Variants in ZNF608 observed in about 807,000 individuals in gnomAD.
ZNF608 encodes the protein zinc finger protein 608.
ZNF608 carries 12 observed loss-of-function variants against 109.0 expected under a neutral mutation model. The ratio of observed to expected loss-of-function variants is 0.11; its 90% CI spans 0.07 to 0.18. The LOEUF (loss-of-function observed/expected upper bound fraction) is 0.18. Ranked by LOEUF, ZNF608 falls within the 10% of genes least tolerant of loss-of-function variation. The pLI is 1.00. For synonymous variants in ZNF608, 732 were observed against 717.4 expected (o/e 1.02, Z -0.33); for missense variants, 1,707 against 1,879.3 (o/e 0.91, Z 1.70).
intron 3 of ZNF608, among the ~76,000 whole-genome samples, chr5:124,659,957 C>G (rs78611029): frequency 0.11 from 16,923 of 152,240 alleles, 1,255 homozygotes; most frequent in Middle Eastern, 0.17. Context: ...CTTTTCATCT[C>G]TAGCTATACC....
rs768514731 is a variant in ZNF608, at chr5:124,744,608, G to C, written c.382C>G (p.Pro128Ala). 1 of 1,614,216 alleles carries C rather than the reference G, an allele frequency of 6.2e-7. No homozygotes were observed. The highest frequency in any genetic ancestry group is 1.1e-5 in the South Asian group (1 of 91,082). Residue 128 changes from proline (P) to alanine (A), a missense_variant, in exon 2 of 10, where the codon CCC becomes GCC. Physicochemically the swap from Pro to Ala is conservative, Grantham distance 27. Transcript: ENST00000513986. The surrounding 1 kb of genome is among the most constrained non-coding windows in gnomAD (Gnocchi z 4.5). ...SLPSAALYGI[P>A]EISSTGKRQE... ...CTCTTGCCAGTGCTGCTGATCTCGG[G>C]AATCCCATACAAGGCAGCAGAAGGC... is the stretch of plus-strand genomic sequence containing the variant.
rs116602261 is a variant in ZNF608 at position 124,672,260 on chromosome 5, C to T, written c.1163-22563G>A. ...TCATTTTGTTTTTAAATAACCACAGCATGGCTGACTCCTAAATATTGTGAT... is the reference window on the plus strand; with the variant it reads ...TCATTTTGTTTTTAAATAACCACAGTATGGCTGACTCCTAAATATTGTGAT... On this transcript the variant is annotated intron_variant, in intron 3 of 9. Transcript: ENST00000513986. 2.9e-3 allele frequency among the ~76,000 whole-genome samples: 436 copies of T among 152,238 alleles called. 3 individuals carry two copies. Among genetic ancestry groups the T allele is most frequent in the African/African-American group, 8.7e-3 (362 of 41,542 alleles).
intron 2 of ZNF608, among the ~76,000 whole-genome samples, chr5:124,723,677 G>A (rs1325795580): frequency 6.6e-6 from 1 of 152,160 alleles, no homozygotes; most frequent in African/African-American, 2.4e-5. Context: ...GATGGAGTGA[G>A]ACGCTGACTC....
At chr5:124,693,293 A>T (rs1752691001) in intron 3 of ZNF608, among the ~76,000 whole-genome samples, 1 of 152,164 alleles carries the variant, frequency 6.6e-6, no homozygotes, top group Admixed American at 6.6e-5. Context: ...ATTAGAAAAT[A>T]CATCTTCAGC....
intron 3 of ZNF608, among the ~76,000 whole-genome samples, chr5:124,680,248 A>G (rs1408168117): frequency 3.9e-5 from 6 of 152,130 alleles, no homozygotes; most frequent in African/African-American, 1.4e-4. Context: ...AATTATCTCT[A>G]TTTCAGGTCA....
intron 3 of ZNF608, among the ~76,000 whole-genome samples, chr5:124,692,728 C>T (rs1258569986): frequency 2.0e-5 from 3 of 152,192 alleles, no homozygotes; most frequent in East Asian, 1.9e-4. Context: ...TTCAGACTCT[C>T]CCCCACTTGC....
intron 3 of ZNF608, among the ~76,000 whole-genome samples, chr5:124,660,433 C>T (rs1751204386): frequency 1.3e-5 from 2 of 152,164 alleles, no homozygotes; most frequent in South Asian, 2.1e-4. Context: ...GTAGTTCCCA[C>T]ATTCTGGTAG....
chr5:124,691,790 T>C (rs921476910), intron 3 of ZNF608, among the ~76,000 whole-genome samples: 11 of 152,228 alleles, frequency 7.2e-5, no homozygotes, highest in African/African-American at 2.6e-4. Context: ...AGTGGAATGG[T>C]GGTTACCAGC....
At chr5:124,709,240 G>A (rs926977419) in intron 2 of ZNF608, among the ~76,000 whole-genome samples, 5 of 150,958 alleles carry the variant, frequency 3.3e-5, no homozygotes, top group African/African-American at 1.2e-4. Flanking sequence ...GAGAGGAAAG[G>A]GGGTCACTGA....
intron 3 of ZNF608, among the ~76,000 whole-genome samples, chr5:124,674,082 A>G (rs1293637207): frequency 1.3e-5 from 2 of 152,222 alleles, no homozygotes; most frequent in Non-Finnish European, 2.9e-5. Flanking sequence ...CCAAACTTGC[A>G]TTATCATAAA....
Position 124,646,906 on chromosome 5 carries a change from G to A in ZNF608, c.3478C>T (p.Pro1160Ser), listed in dbSNP as rs1750534337. ...TTAGAATGGTTTTTGTTAGGCTCCG[G>A]AGTAGAGGGAGCTTTTGAGATTGTG... ...SATISKAPSTPEPNKNHSKLG... is the reference protein window; with the variant it reads ...SATISKAPSTSEPNKNHSKLG... The change falls in exon 5 of 10, where the codon CCG becomes TCG. Residue 1160 changes from proline to serine, a missense_variant. Around this residue, in one of 7 missense-constraint regions of ZNF608, gnomAD observed 1,073 missense variants for 1,133.5 expected, o/e 0.95. Coordinates refer to ENST00000513986, the MANE Select transcript of ZNF608 (RefSeq NM_020747.3). 6.2e-7 allele frequency: 1 copy of A among 1,613,944 alleles called. No homozygotes were observed. Among genetic ancestry groups the A allele is most frequent in the Admixed American group, 1.7e-5 (1 of 59,966 alleles).
rs1402214038 is a variant in ZNF608, at chr5:124,742,261, AC to A, written c.906+1822del. Among the ~76,000 whole-genome samples, 3 of 152,332 alleles carry A rather than the reference AC, an allele frequency of 2.0e-5. No individual in the cohort carries two copies. In the East Asian group the frequency reaches 5.8e-4, roughly 29 times the overall value. ...TTGCCATGACAGCAGCCTTTTAGAT[AC>A]TGAAATGTTCCGATTGCCAGCTAAA... is the stretch of plus-strand genomic sequence containing the variant. On this transcript the variant is annotated intron_variant, in intron 2 of 9. Coordinates refer to ENST00000513986, the MANE Select transcript of ZNF608 (RefSeq NM_020747.3).
At chr5:124,729,704 G>T (rs1391977176) in intron 2 of ZNF608, among the ~76,000 whole-genome samples, 2 of 152,084 alleles carry the variant, frequency 1.3e-5, no homozygotes, top group Non-Finnish European at 2.9e-5. Flanking sequence ...GTGATCTGTG[G>T]TTACTTTTAT....
intron 3 of ZNF608, among the ~76,000 whole-genome samples, chr5:124,694,225 C>T (rs1435814854): frequency 7.0e-6 from 1 of 143,420 alleles, no homozygotes; most frequent in African/African-American, 2.6e-5. Context: ...GATCTCCTGA[C>T]CTCCTGATCC....
At chr5:124,655,451 C>A (rs1750965341) in intron 3 of ZNF608, among the ~76,000 whole-genome samples, 1 of 152,164 alleles carries the variant, frequency 6.6e-6, no homozygotes, top group South Asian at 2.1e-4. Context: ...CTCAGACTAC[C>A]ACATCTGGAT....
intron 5 of ZNF608, among the ~76,000 whole-genome samples, chr5:124,645,450 G>A (rs1241281707): frequency 6.6e-6 from 1 of 152,096 alleles, no homozygotes; most frequent in Admixed American, 6.6e-5. Flanking sequence ...ACCCACTGGG[G>A]ATTCAGGTTC....
At chr5:124,703,536 A>G (rs1171798568) in intron 2 of ZNF608, among the ~76,000 whole-genome samples, 5 of 152,142 alleles carry the variant, frequency 3.3e-5, no homozygotes. Context: ...GAGCTCCAAG[A>G]AGGAGTATCA....
chr5:124,641,167 A>G (rs1417409446), intron 8 of ZNF608, 85 bp downstream of exon 8: 2 of 1,570,184 alleles, frequency 1.3e-6, no homozygotes, highest in Non-Finnish European at 1.7e-6. Flanking sequence ...TCAAAGCTCA[A>G]TATTTTTAAG....
chr5:124,697,048 AG>A (rs1268249233), intron 3 of ZNF608, among the ~76,000 whole-genome samples: 1 of 152,152 alleles, frequency 6.6e-6, no homozygotes, highest in African/African-American at 2.4e-5. Context: ...CACAGCACCG[AG>A]AACCCTCTTT....
Sources: allele counts gnomAD v4.1 joint callset (sites outside exome capture counted in the v4.1 genomes callset), GRCh38; gene constraint gnomAD v4.1.1; regional missense constraint gnomAD v4.1.1; non-coding constraint Gnocchi (gnomAD v3.1); transcripts MANE v1.5; gene names NCBI Gene and HGNC (gene_info 2026-07-23, HGNC 2026-07-21).